ZNF30: variants seen among roughly 807,000 people sequenced by gnomAD.
The protein encoded by ZNF30 is zinc finger protein 30 (KOX 28).
In ZNF30, 15 loss-of-function variants were observed where a neutral mutation model predicts 13.2. The ratio of observed to expected loss-of-function variants is 1.13; its 90% CI spans 0.76 to 1.75. The LOEUF (loss-of-function observed/expected upper bound fraction) is 1.75. ZNF30 is among the 40% of genes most tolerant of loss of function. ZNF30 has a pLI of 0.00. For missense variants in ZNF30, 726 were observed against 757.0 expected (o/e 0.96, Z 0.48); for synonymous variants, 223 against 256.6 (o/e 0.87, Z 1.25).
intron 1 of ZNF30, among the ~76,000 whole-genome samples, chr19:34,928,751 G>T (rs565966927): frequency 4.6e-5 from 7 of 152,130 alleles, no homozygotes; most frequent in Non-Finnish European, 8.8e-5. Context: ...GGTGGAGGTT[G>T]CAGTGAGCCA....
Position 34,943,949 on chromosome 19 carries a change from A to G in ZNF30, c.983A>G (p.Tyr328Cys), listed in dbSNP as rs375042519. The change falls in exon 5 of 5, where the codon TAT (tyrosine) becomes TGT (cysteine). Residue 328 changes from tyrosine to cysteine, a missense_variant. Coordinates refer to ENST00000601142, the MANE Select transcript of ZNF30 (RefSeq NM_194325.3). ...GAGTGTGGGAAGTCCTTCACTGTGT[A>G]TGGACAGCTTACTCGACATCAGAGT... ...CKECGKSFTVYGQLTRHQSIH... is the reference protein window; with the variant it reads ...CKECGKSFTVCGQLTRHQSIH... 9.3e-6 allele frequency: 15 copies of G among 1,613,510 alleles called. No homozygotes were observed. In the Admixed American group the frequency reaches 2.0e-4, roughly 22 times the overall value.
intron 4 of ZNF30, among the ~76,000 whole-genome samples, chr19:34,934,959 G>T (rs539961481): frequency 3.5e-4 from 53 of 152,278 alleles, no homozygotes; most frequent in African/African-American, 1.2e-3. Flanking sequence ...GCCGGGCGCG[G>T]TGGCTCACGC....
In ZNF30 at chr19:34,944,582, C is replaced by A. The variant is rs764542774; in HGVS notation, c.1616C>A (p.Pro539His). The change falls in exon 5 of 5, where the codon CCC becomes CAC. Residue 539 changes from proline (P) to histidine (H), a missense_variant. Physicochemically the swap from Pro to His is moderately conservative, Grantham distance 77. Transcript: ENST00000601142. ...QHQRIHTGEK[P>H]YECNKCGKAF... ...CAAAGAATTCATACTGGGGAGAAAC[C>A]CTATGAATGTAACAAATGTGGGAAA... 3 of 1,613,970 alleles carry A rather than the reference C, an allele frequency of 1.9e-6. No individual in the cohort carries two copies. The East Asian group carries it at 6.7e-5, about 36-fold the overall frequency.
At chr19:34,930,133 C>T (rs947966511) in intron 2 of ZNF30, among the ~76,000 whole-genome samples, 177 bp downstream of exon 2, 8 of 152,128 alleles carry the variant, frequency 5.3e-5, no homozygotes, top group Non-Finnish European at 8.8e-5. Flanking sequence ...CATTTCTAAT[C>T]GGTGTTCATG....
At chr19:34,927,278 G>A (rs56093013) in intron 1 of ZNF30, 62 bp downstream of exon 1, 105,168 of 355,858 alleles carry the variant, frequency 0.3, 15,850 homozygotes, top group South Asian at 0.33. Flanking sequence ...GGCAGGGCAG[G>A]GAGGGTGCGT....
At chr19:34,928,242 TATATATATATATAGATAG>T (rs1213522226) in intron 1 of ZNF30, among the ~76,000 whole-genome samples, 69 of 64,714 alleles carry the variant, frequency 1.1e-3, no homozygotes, top group African/African-American at 6.7e-3. Context: ...TATATATATA[TATATATATATATAGATAG>T]ATAGATAGAT....
In ZNF30 at chr19:34,944,852, G is replaced by A. The variant is rs2013261002; in HGVS notation, c.*14G>A. 1.3e-6 allele frequency: 2 copies of A among 1,550,434 alleles called. No homozygotes were observed. The highest frequency in any genetic ancestry group is 1.4e-5 in the African/African-American group (1 of 73,130). On this transcript the variant is annotated 3_prime_UTR_variant, in exon 5 of 5. Coordinates refer to ENST00000601142, the MANE Select transcript of ZNF30 (RefSeq NM_194325.3). ...GTTATACCCTAAGAGTCTGAGGAGT[G>A]TGGGAAGTGCTTCGTGTGTGGCTCA...
chr19:34,932,234 G>A (rs1006024199), intron 3 of ZNF30, among the ~76,000 whole-genome samples: 2 of 152,156 alleles, frequency 1.3e-5, no homozygotes, highest in African/African-American at 4.8e-5. Context: ...TGCTCTAAAT[G>A]CTCTGTGAAA....
Position 34,943,634 on chromosome 19 carries a change from A to G in ZNF30, c.668A>G (p.Lys223Arg), listed in dbSNP as rs1380661269. Residue 223 changes from lysine to arginine, a missense_variant, in exon 5 of 5, where the codon AAG (lysine) becomes AGG (arginine). Coordinates refer to ENST00000601142, the MANE Select transcript of ZNF30 (RefSeq NM_194325.3). Reference protein sequence around the residue: ...ISGSYQLTVHKSIHTGKKPYE... With the variant: ...ISGSYQLTVHRSIHTGKKPYE... ...GGTAGCTATCAACTTACAGTACATA[A>G]GAGTATTCATACTGGGAAGAAACCA... The G allele has an allele frequency of 1.2e-6, 2 of 1,613,690 alleles. No homozygotes were observed. Among genetic ancestry groups the G allele is most frequent in the East Asian group, 2.2e-5 (1 of 44,900 alleles).
chr19:34,926,604 C>A (rs540346854), upstream of ZNF30: 10 of 180,822 alleles, frequency 5.5e-5, no homozygotes, highest in Admixed American at 2.5e-4. Flanking sequence ...ATTTCTGTAG[C>A]GAAAAGCAAA....
chr19:34,933,957 G>A (rs1338312945), intron 4 of ZNF30, among the ~76,000 whole-genome samples: 2 of 151,980 alleles, frequency 1.3e-5, no homozygotes, highest in South Asian at 2.1e-4. Context: ...ATTTTATTAC[G>A]GACTTAAGTC....
intron 1 of ZNF30, among the ~76,000 whole-genome samples, chr19:34,927,973 CG>C (rs1196417963): frequency 2.0e-5 from 3 of 151,488 alleles, no homozygotes; most frequent in African/African-American, 4.8e-5. Context: ...GAAGCTGAGG[CG>C]GGTGGATTGC....
chr19:34,935,708 T>G (rs1272080605), intron 4 of ZNF30, among the ~76,000 whole-genome samples: 12 of 150,070 alleles, frequency 8.0e-5, no homozygotes, highest in Non-Finnish European at 1.3e-4. Flanking sequence ...TAGTTTTTTT[T>G]TTTTTTTTTT....
chr19:34,935,350 A>T (rs1437593062), intron 4 of ZNF30, among the ~76,000 whole-genome samples: 1 of 152,204 alleles, frequency 6.6e-6, no homozygotes, highest in African/African-American at 2.4e-5. Flanking sequence ...AAATGAAGAG[A>T]GAAAACTCTT....
upstream of ZNF30, among the ~76,000 whole-genome samples, chr19:34,925,636 G>A (rs941770172): frequency 6.6e-6 from 1 of 152,080 alleles, no homozygotes; most frequent in African/African-American, 2.4e-5. Context: ...GGTGGTCTTG[G>A]GAAACGCAAC....
At chr19:34,928,273 A>T (rs1028264132) in intron 1 of ZNF30, among the ~76,000 whole-genome samples, 1 of 140,836 alleles carries the variant, frequency 7.1e-6, no homozygotes, top group Non-Finnish European at 1.5e-5. Context: ...AGATAGATAG[A>T]TACATAAATT....
intron 4 of ZNF30, among the ~76,000 whole-genome samples, chr19:34,935,488 C>G (rs965130028): frequency 6.6e-6 from 1 of 152,100 alleles, no homozygotes; most frequent in Admixed American, 6.6e-5. Context: ...GTCTTACCTG[C>G]TCTTCTCAAG....
intron 4 of ZNF30, among the ~76,000 whole-genome samples, chr19:34,934,413 A>G (rs2012616052): frequency 6.6e-6 from 1 of 151,930 alleles, no homozygotes; most frequent in African/African-American, 2.4e-5. Context: ...ACAGGCACAC[A>G]CCACCACACC....
chr19:34,942,445 A>G (rs1000314817), intron 4 of ZNF30: 5 of 330,382 alleles, frequency 1.5e-5, no homozygotes, highest in Middle Eastern at 1.1e-3. Flanking sequence ...ATCCTATCCA[A>G]AAAAAAAAAG....
Sources: allele counts gnomAD v4.1 joint callset (sites outside exome capture counted in the v4.1 genomes callset), GRCh38; gene constraint gnomAD v4.1.1; transcripts MANE v1.5; gene names NCBI Gene and HGNC (gene_info 2026-07-23, HGNC 2026-07-21).